Variants in MLLT3 observed in about 807,000 individuals in gnomAD.
MLLT3 encodes MLLT3 super elongation complex subunit.
Under a neutral mutation model 53.2 loss-of-function variants are expected in MLLT3, and 4 were observed. The ratio of observed to expected loss-of-function variants is 0.08; its 90% CI spans 0.04 to 0.17. The LOEUF (loss-of-function observed/expected upper bound fraction) is 0.17. Ranked by LOEUF, MLLT3 falls within the 10% of genes least tolerant of loss-of-function variation. The pLI is 1.00. For synonymous variants in MLLT3, 283 were observed against 230.6 expected, an observed-to-expected ratio of 1.23 and a Z score of -2.06; for missense variants, 569 against 684.0, an observed-to-expected ratio of 0.83 and a Z score of 1.87.
intron 2 of MLLT3, among the ~76,000 whole-genome samples, chr9:20,525,335 A>G (rs539382416): frequency 6.6e-6 from 1 of 152,124 alleles, no homozygotes; most frequent in South Asian, 2.1e-4. Flanking sequence ...TGTCTGTACT[A>G]AAAGTACAAA....
In MLLT3 at chr9:20,504,350, T is replaced by TTGTG. The variant is rs71334530; in HGVS notation, c.194-47568_194-47565dup. 1.5e-3 allele frequency among the ~76,000 whole-genome samples: 225 copies of TTGTG among 149,052 alleles called. 2 individuals are homozygous for TTGTG. The East Asian group carries it at 0.016, about 10-fold the overall frequency. On this transcript the variant is annotated intron_variant, in intron 2 of 10. Coordinates refer to ENST00000380338, the MANE Select transcript of MLLT3 (RefSeq NM_004529.4). Reference sequence around the variant, plus strand: ...TGTGAAATATATATCCCCAATGGAATTGTGTGTGTGTGTGTGTGTGTGTAC... The same window carrying TTGTG: ...TGTGAAATATATATCCCCAATGGAATTGTGTGTGTGTGTGTGTGTGTGTGTGTAC...
chr9:20,397,141 C>T (rs1270978112), intron 5 of MLLT3, among the ~76,000 whole-genome samples: 1 of 152,100 alleles, frequency 6.6e-6, no homozygotes, highest in African/African-American at 2.4e-5. Context: ...GCTGTTAGAA[C>T]GCAGGAGTCC....
chr9:20,420,390 A>G (rs935720337), intron 4 of MLLT3, among the ~76,000 whole-genome samples: 2 of 152,218 alleles, frequency 1.3e-5, no homozygotes, highest in Non-Finnish European at 2.9e-5. Context: ...AAAAAAGTTT[A>G]AAATAATGGA....
chr9:20,585,309 C>A (rs750637518), intron 2 of MLLT3, among the ~76,000 whole-genome samples: 2 of 152,120 alleles, frequency 1.3e-5, no homozygotes. Context: ...TACACAACAT[C>A]CTGTCCCTTC....
At chr9:20,586,182 T>G (rs1021450600) in intron 2 of MLLT3, among the ~76,000 whole-genome samples, 1 of 151,958 alleles carries the variant, frequency 6.6e-6, no homozygotes, top group Non-Finnish European at 1.5e-5. Context: ...TAGCCAGGTG[T>G]GGTGGTGTGT....
chr9:20,614,716 T>C lies in MLLT3; in HGVS notation c.193+5938A>G, dbSNP rs1211312889. Among the ~76,000 whole-genome samples the C allele has an allele frequency of 5.3e-5, 8 of 152,184 alleles. No homozygotes were observed. The East Asian group carries it at 1.3e-3, about 26-fold the overall frequency. On this transcript the variant is annotated intron_variant, in intron 2 of 10. Transcript: ENST00000380338. ...AAAGCTACACCACAAAATTGTGCCA[T>C]GTAATTTCCCAGCTTCTATGACATC... is the stretch of plus-strand genomic sequence containing the variant.
chr9:20,382,473 ATCT>A (rs1410807426), intron 5 of MLLT3: 1 of 151,904 alleles, frequency 6.6e-6, no homozygotes, highest in Non-Finnish European at 1.5e-5. Context: ...GTTAAGAATG[ATCT>A]TCTTGAAAAG....
intron 4 of MLLT3, chr9:20,415,507 C>T (rs777516313): frequency 3.7e-6 from 3 of 820,864 alleles, no homozygotes; most frequent in Non-Finnish European, 4.4e-6. Flanking sequence ...CAAAAATCCA[C>T]ATCAATACTA....
At chr9:20,519,993 T>C (rs756977255) in intron 2 of MLLT3, among the ~76,000 whole-genome samples, 14 of 152,176 alleles carry the variant, frequency 9.2e-5, no homozygotes, top group Admixed American at 2.6e-4. Flanking sequence ...ATGGTACATA[T>C]ATGCCATGGA....
intron 5 of MLLT3, among the ~76,000 whole-genome samples, chr9:20,374,878 A>G (rs1339589488): frequency 6.6e-6 from 1 of 152,190 alleles, no homozygotes; most frequent in East Asian, 1.9e-4. Flanking sequence ...TCCCAATACG[A>G]TAGTATTTGA....
chr9:20,362,049 T>C lies in MLLT3; in HGVS notation c.1332-1208A>G, dbSNP rs150419398. On this transcript the variant is annotated intron_variant, in intron 7 of 10. Coordinates refer to ENST00000380338, the MANE Select transcript of MLLT3 (RefSeq NM_004529.4). ...TCAGTTGAAGTGCTGTTTTAAAATG[T>C]GTCTTGAGTGAAGTGGAAGGCTAAG... Among the ~76,000 whole-genome samples, 62 of 152,352 alleles carry C rather than the reference T, an allele frequency of 4.1e-4. No homozygotes were observed. In the East Asian group the frequency reaches 0.012, roughly 29 times the overall value.
At chr9:20,590,528 TTGTC>T (rs916281935) in intron 2 of MLLT3, among the ~76,000 whole-genome samples, 6 of 152,186 alleles carry the variant, frequency 3.9e-5, no homozygotes, top group Non-Finnish European at 7.3e-5. Context: ...CTCGTGTTCA[TTGTC>T]TGTCTGTCTC....
intron 5 of MLLT3, among the ~76,000 whole-genome samples, chr9:20,369,625 T>G (rs1467320582): frequency 6.6e-6 from 1 of 152,216 alleles, no homozygotes; most frequent in Non-Finnish European, 1.5e-5. Context: ...CTGTCTTACA[T>G]TTCATCAAGC....
intron 2 of MLLT3, among the ~76,000 whole-genome samples, chr9:20,605,789 T>C (rs776876139): frequency 6.6e-6 from 1 of 152,128 alleles, no homozygotes; most frequent in Non-Finnish European, 1.5e-5. Context: ...ACATACTTTC[T>C]GATTATGAGT....
chr9:20,476,428 GC>G (rs1824522922), intron 2 of MLLT3, among the ~76,000 whole-genome samples: 1 of 152,072 alleles, frequency 6.6e-6, no homozygotes, highest in Non-Finnish European at 1.5e-5. Context: ...ATTTCAGCAT[GC>G]CTTATCCACA....
chr9:20,428,406 T>A (rs973630099), intron 4 of MLLT3, among the ~76,000 whole-genome samples: 2 of 151,926 alleles, frequency 1.3e-5, no homozygotes, highest in Non-Finnish European at 2.9e-5. Context: ...TTAAAAACGT[T>A]TTAATGTTTT....
At chr9:20,482,512 C>G (rs961781159) in intron 2 of MLLT3, among the ~76,000 whole-genome samples, 4 of 152,062 alleles carry the variant, frequency 2.6e-5, no homozygotes, top group Admixed American at 2.6e-4. Flanking sequence ...TCTAGAATGG[C>G]GAGTAAAATC....
At chr9:20,562,741 TTAAGAA>T (rs1278678176) in intron 2 of MLLT3, among the ~76,000 whole-genome samples, 1 of 152,212 alleles carries the variant, frequency 6.6e-6, no homozygotes, top group Non-Finnish European at 1.5e-5. Context: ...GACACTATTC[TTAAGAA>T]TAAGAGGCTC....
intron 2 of MLLT3, among the ~76,000 whole-genome samples, chr9:20,507,549 C>A (rs1825412420): frequency 6.6e-6 from 1 of 152,106 alleles, no homozygotes; most frequent in African/African-American, 2.4e-5. Context: ...CTTCCCAAAT[C>A]TTTGGTCTAA....
Sources: gnomAD v4.1 joint callset for allele counts (sites outside exome capture counted in the v4.1 genomes callset) on GRCh38, gnomAD v4.1.1 for gene constraint, MANE v1.5 for transcripts, NCBI Gene and HGNC (gene_info 2026-07-23, HGNC 2026-07-21) for gene names.